The following MSI2 variants were observed in gnomAD, a reference collection of about 807,000 sequenced individuals.
MSI2 encodes RNA-binding protein Musashi homolog 2.
A neutral mutation model predicts 45.6 loss-of-function variants in MSI2; 17 were observed. The ratio of observed to expected loss-of-function variants is 0.37; its 90% CI spans 0.26 to 0.56. MSI2 has a LOEUF of 0.56. Among genes scored for constraint, MSI2 ranks in the 20% least tolerant of loss-of-function variants. The pLI, the probability that MSI2 is intolerant of heterozygous loss-of-function variation, is 0.77. For missense variants in MSI2, 293 were observed against 444.2 expected (o/e 0.66, Z 3.06); for synonymous variants, 156 against 158.2 (o/e 0.99, Z 0.11).
intron 5 of MSI2, among the ~76,000 whole-genome samples, chr17:57,313,918 G>C (rs1438581485): frequency 6.6e-6 from 1 of 152,146 alleles, no homozygotes; most frequent in Non-Finnish European, 1.5e-5. Context: ...CCTAGGATTG[G>C]GTCTTGAAAA....
intron 5 of MSI2, among the ~76,000 whole-genome samples, chr17:57,322,671 G>A (rs1410614677): frequency 2.0e-5 from 3 of 152,190 alleles, no homozygotes; most frequent in African/African-American, 7.2e-5. Context: ...CTGTTGGAGT[G>A]ACGTGCCGCC....
chr17:57,420,282 C>G (rs1405346418), intron 6 of MSI2, among the ~76,000 whole-genome samples: 1 of 152,172 alleles, frequency 6.6e-6, no homozygotes, highest in African/African-American at 2.4e-5. Context: ...AAATAACTAG[C>G]GACTGACGTT....
intron 6 of MSI2, among the ~76,000 whole-genome samples, chr17:57,514,475 A>G (rs2086425480): frequency 6.6e-6 from 1 of 152,182 alleles, no homozygotes; most frequent in African/African-American, 2.4e-5. Context: ...ATTGCAGTGC[A>G]TTATTTCATT....
At chr17:57,537,173 A>G (rs1413279699) in intron 7 of MSI2, among the ~76,000 whole-genome samples, 1 of 152,190 alleles carries the variant, frequency 6.6e-6, no homozygotes, top group East Asian at 1.9e-4. Flanking sequence ...CAATAAGAGG[A>G]CAGCCATTGC....
chr17:57,303,018 A>T (rs1230668376), intron 5 of MSI2, among the ~76,000 whole-genome samples: 3 of 152,168 alleles, frequency 2.0e-5, no homozygotes, highest in African/African-American at 7.2e-5. Context: ...GGGAAAAAGG[A>T]CCACCAGGCT....
chr17:57,319,416 C>A (rs1463674913), intron 5 of MSI2, among the ~76,000 whole-genome samples: 1 of 152,182 alleles, frequency 6.6e-6, no homozygotes, highest in African/African-American at 2.4e-5. Flanking sequence ...TCAGAATGCA[C>A]TTTTGTTCAC....
At chr17:57,351,505 C>G (rs996270573) in intron 5 of MSI2, among the ~76,000 whole-genome samples, 1 of 152,172 alleles carries the variant, frequency 6.6e-6, no homozygotes, top group Non-Finnish European at 1.5e-5. Flanking sequence ...GCTCCTAAGC[C>G]CCTGTTTTAT....
At chr17:57,541,070 C>T (rs763350627) in intron 7 of MSI2, among the ~76,000 whole-genome samples, 8 of 152,064 alleles carry the variant, frequency 5.3e-5, no homozygotes, top group Non-Finnish European at 8.8e-5. Flanking sequence ...CCCCCGAAGC[C>T]TGACTTGGTT....
intron 8 of MSI2, chr17:57,608,515 C>G (rs918285258): frequency 6.6e-6 from 1 of 152,462 alleles, no homozygotes; most frequent in South Asian, 2.1e-4. Context: ...ATCATAGCCT[C>G]TTTCTCCAAC....
At chr17:57,340,309 G>A (rs1455185352) in intron 5 of MSI2, among the ~76,000 whole-genome samples, 2 of 152,148 alleles carry the variant, frequency 1.3e-5, no homozygotes, top group Admixed American at 6.5e-5. Context: ...TAACCCTTGT[G>A]CTGTACTTAA....
chr17:57,421,886 T>C (rs908187297), intron 6 of MSI2, among the ~76,000 whole-genome samples: 2 of 151,850 alleles, frequency 1.3e-5, no homozygotes, highest in Non-Finnish European at 2.9e-5. Context: ...CAAAGCAAAA[T>C]AAATAGAAAT....
rs75699038 is a variant in MSI2, at chr17:57,303,178, C to A, written c.312+40986C>A. 2.6e-5 allele frequency among the ~76,000 whole-genome samples: 4 copies of A among 152,194 alleles called. No individual in the cohort carries two copies. The South Asian group carries it at 8.3e-4, about 32-fold the overall frequency. On this transcript the variant is annotated intron_variant, in intron 5 of 13. Coordinates refer to ENST00000284073, the MANE Select transcript of MSI2 (RefSeq NM_138962.4). ...GCTGTGGCTGTAGCTTTGGCGGGGG[C>A]GGTCTGTTTTACTACATGTTCAGCT...
intron 7 of MSI2, among the ~76,000 whole-genome samples, chr17:57,554,115 T>C (rs1264943866): frequency 6.6e-6 from 1 of 151,536 alleles, no homozygotes; most frequent in Non-Finnish European, 1.5e-5. Flanking sequence ...CGGGTGCTAA[T>C]AAAGATGTAC....
At chr17:57,397,732 C>T (rs1000141384) in intron 5 of MSI2, among the ~76,000 whole-genome samples, 6 of 152,210 alleles carry the variant, frequency 3.9e-5, no homozygotes, top group Admixed American at 1.3e-4. Flanking sequence ...ATGCCCCTGG[C>T]GGGAGAGGTC....
chr17:57,639,863 T>C (rs1218349634), intron 10 of MSI2, among the ~76,000 whole-genome samples: 1 of 152,178 alleles, frequency 6.6e-6, no homozygotes, highest in Non-Finnish European at 1.5e-5. Context: ...CATCCCCCTG[T>C]GTCTATCCTG....
intron 5 of MSI2, among the ~76,000 whole-genome samples, chr17:57,281,028 T>C (rs924951374): frequency 2.0e-5 from 3 of 152,162 alleles, no homozygotes; most frequent in African/African-American, 7.2e-5. Flanking sequence ...TCTTGCAGTC[T>C]TGTCGTGTGT....
chr17:57,545,843 T>A (rs1423886927), intron 7 of MSI2, among the ~76,000 whole-genome samples: 1 of 152,078 alleles, frequency 6.6e-6, no homozygotes, highest in Non-Finnish European at 1.5e-5. Flanking sequence ...ATGATGATGA[T>A]CTTTCGTGGG....
intron 6 of MSI2, among the ~76,000 whole-genome samples, chr17:57,501,099 A>G (rs1419818561): frequency 2.6e-5 from 4 of 152,178 alleles, no homozygotes; most frequent in African/African-American, 7.2e-5. Flanking sequence ...AGAACATTCT[A>G]TTAACTGGGG....
At chr17:57,453,784 G>T (rs1475625413) in intron 6 of MSI2, among the ~76,000 whole-genome samples, 1 of 152,136 alleles carries the variant, frequency 6.6e-6, no homozygotes, top group Non-Finnish European at 1.5e-5. Flanking sequence ...CGGCATAAAT[G>T]GGTTAATTCT....
Sources: gnomAD v4.1 joint callset for allele counts (sites outside exome capture counted in the v4.1 genomes callset) on GRCh38, gnomAD v4.1.1 for gene constraint, MANE v1.5 for transcripts, NCBI Gene and HGNC (gene_info 2026-07-23, HGNC 2026-07-21) for gene names.